The following WDR20 variants were observed in gnomAD, a reference collection of about 807,000 sequenced individuals.
WDR20 encodes WD repeat domain 20.
WDR20 carries 3 observed loss-of-function variants against 38.7 expected under a neutral mutation model. The observed-to-expected ratio is 0.08, with a 90% CI of 0.04 to 0.20. The LOEUF is 0.20. WDR20 is among the 10% of genes least tolerant of loss of function. The pLI is 1.00. For missense variants in WDR20, 559 were observed against 727.7 expected, an observed-to-expected ratio of 0.77 and a Z score of 2.67; for synonymous variants, 298 against 285.6, an observed-to-expected ratio of 1.04 and a Z score of -0.44.
chr14:102,150,491 C>T (rs1310985880), intron 1 of WDR20, among the ~76,000 whole-genome samples: 1 of 152,100 alleles, frequency 6.6e-6, no homozygotes, highest in Non-Finnish European at 1.5e-5. Flanking sequence ...AAGAATAATT[C>T]AGTAAGAGGG....
chr14:102,204,790 C>T (rs2061206743), intron 2 of WDR20, among the ~76,000 whole-genome samples: 1 of 152,254 alleles, frequency 6.6e-6, no homozygotes, highest in Admixed American at 6.5e-5. Flanking sequence ...ACATTACTCA[C>T]ACATGTGAAA....
At chr14:102,176,500 T>TA (rs2152853546) in intron 1 of WDR20, among the ~76,000 whole-genome samples, 1 of 152,010 alleles carries the variant, frequency 6.6e-6, no homozygotes, top group South Asian at 2.1e-4. Flanking sequence ...AAATCGAGAC[T>TA]ATCCTGGCTA....
intron 1 of WDR20, among the ~76,000 whole-genome samples, chr14:102,171,878 T>A (rs2060887785): frequency 6.6e-6 from 1 of 151,544 alleles, no homozygotes; most frequent in South Asian, 2.1e-4. Context: ...ATTTTTCTGT[T>A]TTTTATTTTT....
At chr14:102,170,233 A>G (rs1476227001) in intron 1 of WDR20, among the ~76,000 whole-genome samples, 2 of 152,160 alleles carry the variant, frequency 1.3e-5, no homozygotes, top group Admixed American at 1.3e-4. Context: ...ATTTATCATA[A>G]TTCTTCTTTT....
At chr14:102,160,948 A>T (rs1395040104) in intron 1 of WDR20, among the ~76,000 whole-genome samples, 1 of 12,384 alleles carries the variant, frequency 8.1e-5, no homozygotes, top group African/African-American at 2.0e-4. Flanking sequence ...ACTCTGTCTC[A>T]AAAAAAAAAA....
rs537035221 is a variant in WDR20, at chr14:102,140,268, C to T, written c.249+96C>T. On this transcript the variant is annotated intron_variant, in intron 1 of 2. Coordinates refer to ENST00000342702, the MANE Select transcript of WDR20 (RefSeq NM_144574.4). ...GGGCCAGGGTGACCGAGAGGGGTGGCCGTCGCTCTTACTTTTGAGTGGGCC... is the reference window on the plus strand; with the variant it reads ...GGGCCAGGGTGACCGAGAGGGGTGGTCGTCGCTCTTACTTTTGAGTGGGCC... 30 of 1,538,472 alleles carry T rather than the reference C, an allele frequency of 1.9e-5. 1 individual carries two copies. In the African/African-American group the frequency reaches 3.3e-4, roughly 17 times the overall value.
intron 1 of WDR20, chr14:102,167,545 C>G (rs761388688): frequency 6.6e-6 from 1 of 152,204 alleles, no homozygotes; most frequent in African/African-American, 2.4e-5. Flanking sequence ...ATACTGTTTC[C>G]TTTGCCTGGA....
intron 1 of WDR20, among the ~76,000 whole-genome samples, chr14:102,164,721 C>T (rs982989743): frequency 6.6e-6 from 1 of 152,056 alleles, no homozygotes; most frequent in Non-Finnish European, 1.5e-5. Context: ...CATTTTTGAC[C>T]CACTCAGTAC....
At chr14:102,224,795 C>T, downstream of WDR20, 1 of 455,876 alleles carries the variant, frequency 2.2e-6, no homozygotes, top group Non-Finnish European at 4.4e-6. Context: ...AGTGAGTCTT[C>T]TAGAAAGAGA....
downstream of WDR20, among the ~76,000 whole-genome samples, chr14:102,217,700 C>G (rs985323484): frequency 6.6e-6 from 1 of 152,206 alleles, no homozygotes; most frequent in Non-Finnish European, 1.5e-5. Flanking sequence ...TGGCTGCTTT[C>G]TCCAGGTTTG....
chr14:102,210,697 T>A (rs2062372221), downstream of WDR20, among the ~76,000 whole-genome samples: 1 of 144,688 alleles, frequency 6.9e-6, no homozygotes, highest in African/African-American at 2.6e-5. Flanking sequence ...TTGTGTGTTT[T>A]CCCAACAAGG....
At chr14:102,167,385 TTTTC>T (rs1555381790) in intron 1 of WDR20, 1 of 152,190 alleles carries the variant, frequency 6.6e-6, no homozygotes, top group Non-Finnish European at 1.5e-5. Context: ...CGGCTAATTT[TTTTC>T]TTTCTTATTT....
chr14:102,212,190 C>G (rs973830078), downstream of WDR20, among the ~76,000 whole-genome samples: 2 of 152,200 alleles, frequency 1.3e-5, no homozygotes, highest in African/African-American at 4.8e-5. Context: ...TTTCTCCCCC[C>G]ACCTCCAGTT....
At chr14:102,206,187 A>G (rs1015281464) in intron 2 of WDR20, among the ~76,000 whole-genome samples, 2 of 152,130 alleles carry the variant, frequency 1.3e-5, no homozygotes, top group East Asian at 1.9e-4. Context: ...GGGTTTCACC[A>G]TGTTGGCCAG....
downstream of WDR20, chr14:102,224,704 A>G (rs1391291013): frequency 2.2e-6 from 1 of 455,918 alleles, no homozygotes. Flanking sequence ...CGGAGGAGAC[A>G]TTAGTTACAG....
intron 1 of WDR20, among the ~76,000 whole-genome samples, chr14:102,173,596 A>G (rs915867378): frequency 1.3e-5 from 2 of 151,576 alleles, no homozygotes; most frequent in Admixed American, 1.3e-4. Flanking sequence ...ACTGTACCCA[A>G]TGTGTAGTCT....
chr14:102,214,470 T>C, downstream of WDR20: 1 of 985,462 alleles, frequency 1.0e-6, no homozygotes, highest in South Asian at 4.7e-5. Context: ...AACGTGCCCC[T>C]CCAGTAGAGG....
chr14:102,217,821 G>T (rs1427800237), downstream of WDR20, among the ~76,000 whole-genome samples: 1 of 152,266 alleles, frequency 6.6e-6, no homozygotes, highest in East Asian at 1.9e-4. Context: ...GAGCAGGCTA[G>T]CCTGGTCATA....
At chr14:102,219,679 A>G (rs895256798), downstream of WDR20, among the ~76,000 whole-genome samples, 13 of 152,248 alleles carry the variant, frequency 8.5e-5, no homozygotes, top group Admixed American at 1.3e-4. Flanking sequence ...CCGGTGGCCA[A>G]CGTGCTTCCT....
Sources: gnomAD v4.1 joint callset for allele counts (sites outside exome capture counted in the v4.1 genomes callset) on GRCh38, gnomAD v4.1.1 for gene constraint, MANE v1.5 for transcripts, NCBI Gene and HGNC (gene_info 2026-07-23, HGNC 2026-07-21) for gene names.